Variants in GPR143 observed in about 807,000 individuals in gnomAD.
GPR143 encodes G protein-coupled receptor 143.
In GPR143, 8 loss-of-function variants were observed where a neutral mutation model predicts 27.6. The observed-to-expected ratio is 0.29, with a 90% CI of 0.17 to 0.52. GPR143 has a LOEUF of 0.52. Ranked by LOEUF, GPR143 falls within the 20% of genes least tolerant of loss-of-function variation. The pLI is 0.96. For synonymous variants in GPR143, 156 were observed against 153.2 expected (o/e 1.02, Z -0.13); for missense variants, 303 against 343.1 (o/e 0.88, Z 0.92).
chrX:9,760,119 T>C (rs2083489670), intron 2 of GPR143, among the ~76,000 whole-genome samples: 2 of 111,954 alleles, frequency 1.8e-5, no homozygotes, highest in African/African-American at 6.5e-5. Flanking sequence ...GAAGATGGAG[T>C]TTCACTCTGT....
At chrX:9,754,921 C>A (rs948315600) in intron 3 of GPR143, among the ~76,000 whole-genome samples, 6 of 111,913 alleles carry the variant, frequency 5.4e-5, no homozygotes, top group Non-Finnish European at 1.1e-4. Flanking sequence ...GTCAGACCTC[C>A]GACCTCTCCA....
At chrX:9,770,323 A>AGAGAGAGAGAGAG (rs2083549800), upstream of GPR143, among the ~76,000 whole-genome samples, 7 of 89,013 alleles carry the variant, frequency 7.9e-5, no homozygotes, top group African/African-American at 1.9e-4. Flanking sequence ...AAGAAAGAAA[A>AGAGAGAGAGAGAG]AGAGAGAGAG....
chrX:9,752,268 A>G (rs1289552497), intron 3 of GPR143, among the ~76,000 whole-genome samples: 3 of 111,516 alleles, frequency 2.7e-5, no homozygotes, highest in Admixed American at 9.6e-5. Context: ...GAGTCTTGCT[A>G]TGTTGCCCAG....
At chrX:9,760,965 GGGAGA>G in intron 1 of GPR143, 139 bp from the exon 2 acceptor site, 1 of 441,618 alleles carries the variant, frequency 2.3e-6, no homozygotes, top group Non-Finnish European at 4.1e-6. Context: ...AAAGGAGGGA[GGGAGA>G]GAGGGAGGGA....
chrX:9,766,878 T>C (rs2083535786), upstream of GPR143, among the ~76,000 whole-genome samples: 1 of 98,061 alleles, frequency 1.0e-5, no homozygotes, highest in Non-Finnish European at 2.0e-5. Flanking sequence ...GCCTGAGCAA[T>C]GGAGTGAGAC....
intron 8 of GPR143, among the ~76,000 whole-genome samples, chrX:9,732,472 T>C (rs1268412319): frequency 9.0e-6 from 1 of 111,312 alleles, no homozygotes; most frequent in Non-Finnish European, 1.9e-5. Context: ...AAAGGAATTA[T>C]GGTGCAGAAT....
chrX:9,727,200 A>T (rs999766354), intron 8 of GPR143, among the ~76,000 whole-genome samples: 3 of 112,953 alleles, frequency 2.7e-5, no homozygotes, highest in African/African-American at 9.6e-5. Flanking sequence ...AACCAATCGA[A>T]CATTGCCTTT....
At chrX:9,777,368 C>T (rs113444782) in intron 1 of GPR143, among the ~76,000 whole-genome samples, 1,707 of 112,008 alleles carry the variant, frequency 0.015, 35 homozygotes, top group African/African-American at 0.053. Context: ...GATTGCACCA[C>T]TGCACTCCAG....
chrX:9,752,567 T>TG (rs1415434578), intron 3 of GPR143, among the ~76,000 whole-genome samples: 1 of 112,226 alleles, frequency 8.9e-6, no homozygotes, highest in Non-Finnish European at 1.9e-5. Flanking sequence ...CCAATGTAAC[T>TG]GCCAGAATCC....
chrX:9,778,514 G>A (rs745693556), intron 1 of GPR143, among the ~76,000 whole-genome samples: 19 of 109,953 alleles, frequency 1.7e-4, no homozygotes, highest in Non-Finnish European at 3.6e-4. Flanking sequence ...AGAGATAGGT[G>A]TACATTGGCA....
intron 8 of GPR143, 110 bp from the exon 9 acceptor site, chrX:9,725,950 T>C (rs2146673872): frequency 3.0e-6 from 3 of 1,010,736 alleles, no homozygotes; most frequent in Non-Finnish European, 3.8e-6. Context: ...GGACCAACTT[T>C]GGTCAAAGTC....
chrX:9,741,969 T>A (rs772145164), intron 6 of GPR143, among the ~76,000 whole-genome samples: 68 of 112,018 alleles, frequency 6.1e-4, no homozygotes, highest in African/African-American at 2.1e-3. Flanking sequence ...TAATTCGTTT[T>A]CTCAGTCTAA....
upstream of GPR143, among the ~76,000 whole-genome samples, chrX:9,767,669 C>T (rs2083540580): frequency 8.9e-6 from 1 of 112,045 alleles, no homozygotes; most frequent in Non-Finnish European, 1.9e-5. Context: ...TCCTAGAAGT[C>T]AGAACAGACT....
intron 1 of GPR143, among the ~76,000 whole-genome samples, chrX:9,773,480 T>TACACAC (rs57491053): frequency 0.018 from 1,863 of 102,698 alleles, 32 homozygotes; most frequent in African/African-American, 0.047. Context: ...GCTTTGAAAG[T>TACACAC]ACACACACAC....
intron 5 of GPR143, among the ~76,000 whole-genome samples, chrX:9,744,251 C>G (rs926756050): frequency 2.7e-5 from 3 of 111,522 alleles, no homozygotes; most frequent in Non-Finnish European, 5.6e-5. Flanking sequence ...GCACGAGAAT[C>G]CCTTGGACTC....
intron 3 of GPR143, among the ~76,000 whole-genome samples, chrX:9,749,631 C>G (rs186071121): frequency 1.8e-5 from 2 of 112,582 alleles, no homozygotes; most frequent in East Asian, 5.6e-4. Context: ...TCCCTTGTTT[C>G]TTTTAATATT....
intron 6 of GPR143, 73 bp downstream of exon 6, chrX:9,743,492 T>A: frequency 1.6e-6 from 1 of 612,325 alleles, no homozygotes; most frequent in Non-Finnish European, 2.9e-6. Flanking sequence ...TGGTCACGCA[T>A]GCAACATGGC....
At chrX:9,761,306 C>T (rs867810495) in intron 1 of GPR143, among the ~76,000 whole-genome samples, 160 of 112,106 alleles carry the variant, frequency 1.4e-3, no homozygotes, top group African/African-American at 4.9e-3. Context: ...GTTGGCCAGG[C>T]TGGTCTCAAA....
intron 8 of GPR143, among the ~76,000 whole-genome samples, chrX:9,732,579 T>C (rs1035184409): frequency 4.7e-4 from 52 of 111,138 alleles, no homozygotes; most frequent in Non-Finnish European, 1.7e-4. Flanking sequence ...AAATGGAGAA[T>C]TGGCTGGGCA....
Sources: gnomAD v4.1 joint callset for allele counts (sites outside exome capture counted in the v4.1 genomes callset) on GRCh38, gnomAD v4.1.1 for gene constraint, MANE v1.5 for transcripts, NCBI Gene and HGNC (gene_info 2026-07-23, HGNC 2026-07-21) for gene names.